Variants in IQSEC3 observed in about 807,000 individuals in gnomAD.
The protein encoded by IQSEC3 is IQ motif and Sec7 domain ArfGEF 3.
IQSEC3 carries 50 observed loss-of-function variants against 105.4 expected under a neutral mutation model. That is an observed-to-expected ratio of 0.47 (90% CI 0.38 to 0.60). The LOEUF (loss-of-function observed/expected upper bound fraction) is 0.60. IQSEC3 is among the 20% of genes least tolerant of loss of function. The pLI is 0.00. For synonymous variants in IQSEC3, 708 were observed against 746.0 expected (o/e 0.95, Z 0.83); for missense variants, 1,415 against 1,630.0 (o/e 0.87, Z 2.27).
At chr12:80,768 G>A (rs1248385069) in intron 1 of IQSEC3, among the ~76,000 whole-genome samples, 1 of 152,204 alleles carries the variant, frequency 6.6e-6, no homozygotes, top group Non-Finnish European at 1.5e-5. Context: ...AAGAGACCCG[G>A]AATAAAGGAA....
intron 13 of IQSEC3, 113 bp from the exon 14 acceptor site, chr12:174,486 A>T: frequency 1.0e-6 from 1 of 979,104 alleles, no homozygotes; most frequent in Admixed American, 3.0e-5. Context: ...CGAGAGGGTC[A>T]GAGTGAGGGC....
chr12:113,914 G>T (rs1864971154), intron 2 of IQSEC3, among the ~76,000 whole-genome samples: 1 of 152,212 alleles, frequency 6.6e-6, no homozygotes, highest in African/African-American at 2.4e-5. Context: ...CAGAACTTCA[G>T]GGAATCACTG....
chr12:138,795 A>G lies in IQSEC3; in HGVS notation c.1432A>G (p.Ser478Gly), dbSNP rs1555087710. Reference sequence around the variant, plus strand: ...GACCCCCGGCCTGCCCCCGGCCCACAGCGGGACCCTCATGATGGCTTTCCG... The same window carrying G: ...GACCCCCGGCCTGCCCCCGGCCCACGGCGGGACCCTCATGATGGCTTTCCG... ...AETPGLPPAH[S>G]GTLMMAFRDV... Residue 478 changes from serine (S) to glycine (G), a missense_variant, in exon 4 of 14, where the codon AGC becomes GGC. Transcript: ENST00000538872. This position sits in a 1 kb window ranked among gnomAD's most constrained non-coding sequence, Gnocchi z 7.1. 1 of 1,606,038 alleles carries G rather than the reference A, an allele frequency of 6.2e-7. No individual in the cohort carries two copies. Among genetic ancestry groups the G allele is most frequent in the Non-Finnish European group, 8.5e-7 (1 of 1,178,160 alleles).
At chr12:74,916 C>T (rs1205593653) in intron 1 of IQSEC3, among the ~76,000 whole-genome samples, 1 of 152,268 alleles carries the variant, frequency 6.6e-6, no homozygotes, top group Non-Finnish European at 1.5e-5. Context: ...TCATCCACTG[C>T]TCTCAACATT....
At chr12:136,708 G>C (rs1865778653) in intron 3 of IQSEC3, among the ~76,000 whole-genome samples, 1 of 152,190 alleles carries the variant, frequency 6.6e-6, no homozygotes, top group Admixed American at 6.5e-5. Flanking sequence ...GACACCACGT[G>C]TAAGTGGCAT....
chr12:142,828 G>C (rs1866087421), intron 5 of IQSEC3, among the ~76,000 whole-genome samples: 1 of 152,150 alleles, frequency 6.6e-6, no homozygotes, highest in Admixed American at 6.5e-5. Context: ...GTGTCCCCTA[G>C]TTGGCTCATC....
intron 3 of IQSEC3, among the ~76,000 whole-genome samples, chr12:126,282 C>T (rs1212674221): frequency 6.6e-6 from 1 of 152,204 alleles, no homozygotes; most frequent in Non-Finnish European, 1.5e-5. Flanking sequence ...AGCTTCCACG[C>T]CCACCAAGGG....
intron 1 of IQSEC3, among the ~76,000 whole-genome samples, chr12:79,526 G>A (rs1480751305): frequency 3.3e-5 from 5 of 152,052 alleles, no homozygotes; most frequent in South Asian, 2.1e-4. Context: ...GAACTCCTGC[G>A]CTCAAGTGAT....
At chr12:131,142 C>T (rs540077810) in intron 3 of IQSEC3, among the ~76,000 whole-genome samples, 2 of 152,088 alleles carry the variant, frequency 1.3e-5, no homozygotes, top group African/African-American at 4.8e-5. Flanking sequence ...GCCACAGCAA[C>T]CTGAAAGAAG....
intron 1 of IQSEC3, among the ~76,000 whole-genome samples, chr12:72,085 C>T (rs1308771598): frequency 6.6e-6 from 1 of 152,282 alleles, no homozygotes; most frequent in African/African-American, 2.4e-5. Context: ...CTCACTCCTC[C>T]TTACCAGCCT....
At chr12:169,598 A>G (rs1555099680) in intron 12 of IQSEC3, among the ~76,000 whole-genome samples, 2 of 152,060 alleles carry the variant, frequency 1.3e-5, no homozygotes, top group African/African-American at 4.8e-5. Flanking sequence ...AGGTCAGCCC[A>G]CCCCAAATCC....
rs782149702 is a variant in IQSEC3 at position 157,516 on chromosome 12, AC to A, written c.2277-5del. The A allele has an allele frequency of 7.5e-6, 12 of 1,602,662 alleles. No individual in the cohort carries two copies. The highest frequency in any genetic ancestry group is 1.1e-5 in the South Asian group (1 of 88,934). On this transcript the variant is annotated splice_polypyrimidine_tract_variant and intron_variant, in intron 6 of 13. Coordinates refer to ENST00000538872, the MANE Select transcript of IQSEC3 (RefSeq NM_001170738.2). The stretch of plus-strand genomic sequence containing the variant: ...GGGCTCAGCGTCCGCTCTGCATCTG[AC>A]CCCCCCACAGCCAGCGCTACTGCAT...
In IQSEC3 at chr12:83,687, T is replaced by C. The variant is rs1311498227; in HGVS notation, c.555-15459T>C. On this transcript the variant is annotated intron_variant, in intron 1 of 13. Transcript: ENST00000538872. ...TGAGGGAGTTTGTGGGGAGAGAGGTTGATGGGAAGGCGGGCGGGGGAGGAG... is the reference window on the plus strand; with the variant it reads ...TGAGGGAGTTTGTGGGGAGAGAGGTCGATGGGAAGGCGGGCGGGGGAGGAG... Among the ~76,000 whole-genome samples, 4 of 89,920 alleles carry C rather than the reference T, an allele frequency of 4.4e-5. No individual in the cohort carries two copies. In the East Asian group the frequency reaches 1.0e-3, roughly 23 times the overall value. 59.0% of individuals were successfully genotyped at this position (89,920 alleles called of 152,430 possible). A position where few individuals can be genotyped will look rare whatever the true frequency, so the allele number is the denominator to read the frequency against.
chr12:144,988 C>T (rs532484049), intron 5 of IQSEC3, among the ~76,000 whole-genome samples: 2 of 152,356 alleles, frequency 1.3e-5, no homozygotes, highest in African/African-American at 4.8e-5. Flanking sequence ...TGTGCCACCA[C>T]ACCTGGCTAA....
At chr12:161,760 T>A (rs1555096299) in intron 7 of IQSEC3, among the ~76,000 whole-genome samples, 166 bp from the exon 8 acceptor site, 4 of 152,078 alleles carry the variant, frequency 2.6e-5, no homozygotes, top group Non-Finnish European at 4.4e-5. Context: ...AAGGAACTTG[T>A]TCTTAATTGA....
At chr12:129,320 C>T (rs1306676182) in intron 3 of IQSEC3, among the ~76,000 whole-genome samples, 1 of 152,222 alleles carries the variant, frequency 6.6e-6, no homozygotes, top group Non-Finnish European at 1.5e-5. Flanking sequence ...CGCCCTGCAC[C>T]TTGCACAGTC....
chr12:163,590 G>C lies in IQSEC3; in HGVS notation c.2680G>C (p.Glu894Gln). The C allele has an allele frequency of 6.4e-7, 1 of 1,568,286 alleles. No individual in the cohort carries two copies. Residue 894 changes from glutamate to glutamine, a missense_variant, in exon 9 of 14, where the codon GAG (glutamate) becomes CAG (glutamine). Physicochemically the swap from Glu to Gln is conservative, Grantham distance 29. Coordinates refer to ENST00000538872, the MANE Select transcript of IQSEC3 (RefSeq NM_001170738.2). ...GCAGAAGCAGGCAGCGCATCAGAGGGAGGTGTTCCTCTTCAATGACCTGCT... is the reference window on the plus strand; with the variant it reads ...GCAGAAGCAGGCAGCGCATCAGAGGCAGGTGTTCCTCTTCAATGACCTGCT... ...KLQKQAAHQREVFLFNDLLVI... is the reference protein window; with the variant it reads ...KLQKQAAHQRQVFLFNDLLVI...
At chr12:160,130 GT>G (rs1391916210) in intron 7 of IQSEC3, among the ~76,000 whole-genome samples, 1 of 148,968 alleles carries the variant, frequency 6.7e-6, no homozygotes, top group Non-Finnish European at 1.5e-5. Flanking sequence ...TTGTTTGTTT[GT>G]TTTTCTCTCT....
chr12:126,641 T>A (rs888854040), intron 3 of IQSEC3, among the ~76,000 whole-genome samples: 1 of 151,832 alleles, frequency 6.6e-6, no homozygotes, highest in Admixed American at 6.6e-5. Context: ...GATGTAGACA[T>A]GGGATCCAGT....
Sources: allele counts gnomAD v4.1 joint callset (sites outside exome capture counted in the v4.1 genomes callset), GRCh38; gene constraint gnomAD v4.1.1; non-coding constraint Gnocchi (gnomAD v3.1); transcripts MANE v1.5; gene names NCBI Gene and HGNC (gene_info 2026-07-23, HGNC 2026-07-21).